The following GALNT13 variants were observed in gnomAD, a reference collection of about 807,000 sequenced individuals.
GALNT13 encodes the protein polypeptide N-acetylgalactosaminyltransferase 13.
Under a neutral mutation model 64.2 loss-of-function variants are expected in GALNT13, and 28 were observed. The ratio of observed to expected loss-of-function variants is 0.44; its 90% confidence interval spans 0.32 to 0.60. The LOEUF is 0.60. GALNT13 is among the 20% of genes least tolerant of loss of function. GALNT13 has a pLI of 0.05. For missense variants in GALNT13, 577 were observed against 669.8 expected, an observed-to-expected ratio of 0.86 and a Z score of 1.53; for synonymous variants, 214 against 224.6, an observed-to-expected ratio of 0.95 and a Z score of 0.42.
At chr2:154,025,376 G>A (rs1437574950) in intron 3 of GALNT13, among the ~76,000 whole-genome samples, 1 of 152,182 alleles carries the variant, frequency 6.6e-6, no homozygotes, top group African/African-American at 2.4e-5. Flanking sequence ...CCATCTGGAA[G>A]TAGCTTTCAC....
the GALNT13 span, among the ~76,000 whole-genome samples, chr2:153,081,246 T>G: frequency 6.6e-6 from 1 of 152,156 alleles, no homozygotes; most frequent in African/African-American, 2.4e-5. Flanking sequence ...TGGTACATAG[T>G]AGGTGTATAT....
intron 1 of GALNT13, among the ~76,000 whole-genome samples, chr2:153,881,736 C>CT (rs917568853): frequency 2.0e-5 from 3 of 152,164 alleles, no homozygotes; most frequent in East Asian, 1.9e-4. Flanking sequence ...TTCAATTAAT[C>CT]TTTTTTTGCA....
the GALNT13 span, among the ~76,000 whole-genome samples, chr2:153,657,953 T>C: frequency 4.6e-5 from 7 of 152,126 alleles, no homozygotes; most frequent in Non-Finnish European, 1.0e-4. Context: ...TCTATTAATA[T>C]ACCTAAGTCT....
chr2:153,786,992 T>A, the GALNT13 span, among the ~76,000 whole-genome samples: 8 of 152,092 alleles, frequency 5.3e-5, no homozygotes, highest in Admixed American at 1.3e-4. Flanking sequence ...GCTGAGTGGT[T>A]GCTAACCTGA....
At chr2:153,850,762 G>A in the GALNT13 span, among the ~76,000 whole-genome samples, 1 of 152,256 alleles carries the variant, frequency 6.6e-6, no homozygotes. Context: ...GATGAGAAAG[G>A]CACTGGATGA....
the GALNT13 span, among the ~76,000 whole-genome samples, chr2:153,844,957 A>T: frequency 6.6e-6 from 1 of 152,282 alleles, no homozygotes; most frequent in Middle Eastern, 3.4e-3. Flanking sequence ...TTTCTATCTG[A>T]GATCTTGTCA....
At chr2:153,284,954 T>C in the GALNT13 span, among the ~76,000 whole-genome samples, 1 of 152,010 alleles carries the variant, frequency 6.6e-6, no homozygotes, top group African/African-American at 2.4e-5. Flanking sequence ...CACATGCATA[T>C]GTGCATTCAT....
At chr2:154,089,967 A>C (rs1421948694) in intron 3 of GALNT13, among the ~76,000 whole-genome samples, 1 of 152,088 alleles carries the variant, frequency 6.6e-6, no homozygotes, top group East Asian at 1.9e-4. Context: ...ATGAATACAT[A>C]TATTTATGTG....
chr2:153,754,697 T>C, the GALNT13 span, among the ~76,000 whole-genome samples: 3 of 152,088 alleles, frequency 2.0e-5, no homozygotes, highest in African/African-American at 7.2e-5. Context: ...GCTGTCTTAG[T>C]AGTTTGTGTG....
chr2:153,258,933 A>G, the GALNT13 span, among the ~76,000 whole-genome samples: 2 of 152,204 alleles, frequency 1.3e-5, no homozygotes, highest in South Asian at 4.1e-4. Flanking sequence ...TAGCCATTAG[A>G]TGAAATGTTC....
At chr2:154,233,962 G>T (rs1301398191) in intron 4 of GALNT13, among the ~76,000 whole-genome samples, 1 of 152,102 alleles carries the variant, frequency 6.6e-6, no homozygotes, top group Admixed American at 6.6e-5. Context: ...TAAGCTGGAA[G>T]ATCTACCAGC....
chr2:153,624,792 CTTT>C, the GALNT13 span, among the ~76,000 whole-genome samples: 865 of 121,198 alleles, frequency 7.1e-3, 6 homozygotes, highest in African/African-American at 0.021. Context: ...GGAAGAGAGA[CTTT>C]TTTTTTTTTT....
the GALNT13 span, among the ~76,000 whole-genome samples, chr2:153,854,444 G>C: frequency 1.3e-5 from 2 of 151,846 alleles, no homozygotes; most frequent in African/African-American, 4.8e-5. Flanking sequence ...AGCCAGGCGT[G>C]GGGGTGCACA....
intron 11 of GALNT13, among the ~76,000 whole-genome samples, chr2:154,419,530 T>C (rs1477475620): frequency 1.3e-5 from 2 of 152,160 alleles, no homozygotes; most frequent in African/African-American, 2.4e-5. Flanking sequence ...TTCAAGTCAA[T>C]CTAGAAAACA....
At chr2:154,071,999 C>T (rs754656735) in intron 3 of GALNT13, among the ~76,000 whole-genome samples, 1 of 151,896 alleles carries the variant, frequency 6.6e-6, no homozygotes, top group Non-Finnish European at 1.5e-5. Flanking sequence ...GCTGTGAGTT[C>T]AATGTTAATG....
chr2:153,963,788 C>T (rs542193365), intron 3 of GALNT13, among the ~76,000 whole-genome samples: 12 of 134,902 alleles, frequency 8.9e-5, no homozygotes, highest in African/African-American at 2.5e-4. Context: ...TGTGTTTGGC[C>T]AGACTTGTTT....
At chr2:154,075,352 T>G (rs1446125428) in intron 3 of GALNT13, among the ~76,000 whole-genome samples, 1 of 151,838 alleles carries the variant, frequency 6.6e-6, no homozygotes, top group East Asian at 1.9e-4. Context: ...GGGTCCTTTC[T>G]TTTCCTCTTT....
At chr2:154,354,525 T>A (rs2105265914) in intron 9 of GALNT13, among the ~76,000 whole-genome samples, 1 of 151,200 alleles carries the variant, frequency 6.6e-6, no homozygotes, top group Admixed American at 6.6e-5. Context: ...CGTTCCCTTC[T>A]AAGACTTTTA....
the GALNT13 span, among the ~76,000 whole-genome samples, chr2:153,560,587 T>TA: frequency 6.6e-6 from 1 of 152,122 alleles, no homozygotes; most frequent in Non-Finnish European, 1.5e-5. Context: ...TTATTAAAGA[T>TA]TTATTTCTCC....
Sources: allele counts gnomAD v4.1 joint callset (sites outside exome capture counted in the v4.1 genomes callset), GRCh38; gene constraint gnomAD v4.1.1; transcripts MANE v1.5; gene names NCBI Gene and HGNC (gene_info 2026-07-23, HGNC 2026-07-21).